ZPBP: variants seen among roughly 807,000 people sequenced by gnomAD.
The protein encoded by ZPBP is zona pellucida-binding protein 1.
Under a neutral mutation model 44.8 loss-of-function variants are expected in ZPBP, and 26 were observed. The ratio of observed to expected loss-of-function variants is 0.58; its 90% CI spans 0.43 to 0.81. The LOEUF is 0.81. Among genes scored for constraint, ZPBP ranks in the 30% least tolerant of loss-of-function variants. ZPBP has a pLI of 0.00. For missense variants in ZPBP, 409 were observed against 434.0 expected (o/e 0.94, Z 0.51); for synonymous variants, 174 against 153.2 (o/e 1.14, Z -1.00).
At chr7:49,887,885 G>A (rs182447239) in intron 2 of ZPBP, among the ~76,000 whole-genome samples, 2 of 152,264 alleles carry the variant, frequency 1.3e-5, no homozygotes. Context: ...CTAGCTGCTG[G>A]TTTCTTCCTT....
At chr7:49,917,570 C>G (rs1374258980) in intron 1 of ZPBP, 1 of 152,036 alleles carries the variant, frequency 6.6e-6, no homozygotes, top group East Asian at 1.9e-4. Flanking sequence ...AAAGTATGTA[C>G]CTAAAGTCAA....
At chr7:49,970,601 C>T (rs1296509114) in intron 7 of ZPBP, among the ~76,000 whole-genome samples, 1 of 144,176 alleles carries the variant, frequency 6.9e-6, no homozygotes, top group Admixed American at 7.3e-5. Context: ...TGAAATCATA[C>T]AAAGTGTATT....
At chr7:49,845,052 T>C in the ZPBP span, among the ~76,000 whole-genome samples, 57 of 152,122 alleles carry the variant, frequency 3.7e-4, 2 homozygotes. Flanking sequence ...TTTCCGAATG[T>C]TCTCACTTAT....
chr7:50,091,850 C>T (rs899038478), intron 1 of ZPBP, among the ~76,000 whole-genome samples: 11 of 152,088 alleles, frequency 7.2e-5, no homozygotes, highest in African/African-American at 2.4e-4. Context: ...TAGCAAAGTG[C>T]AAAGAAAAGG....
chr7:49,927,586 G>A (rs1186598097), intron 1 of ZPBP, among the ~76,000 whole-genome samples: 1 of 152,094 alleles, frequency 6.6e-6, no homozygotes, highest in Non-Finnish European at 1.5e-5. Context: ...TAGAACCAAA[G>A]AGGGTGATTT....
At chr7:49,859,788 GTGCACA>G (rs201846228) in intron 2 of ZPBP, among the ~76,000 whole-genome samples, 28,441 of 148,342 alleles carry the variant, frequency 0.19, 3,229 homozygotes, top group East Asian at 0.51. Context: ...GTGCGCGTGC[GTGCACA>G]CACACACACA....
chr7:50,081,775 T>C lies in ZPBP; in HGVS notation c.333A>G (p.Ser111=). The C allele has an allele frequency of 1.9e-6, 3 of 1,610,882 alleles. No individual in the cohort carries two copies. Among genetic ancestry groups the C allele is most frequent in the Non-Finnish European group, 2.5e-6 (3 of 1,177,872 alleles). The change falls in exon 3 of 8, where the codon TCA becomes TCG. Residue 111 remains serine (S), a splice_region_variant and synonymous_variant. Transcript: ENST00000046087. ...QWYGPKGKVV[S]VENRTAQITS... Reference sequence around the variant, plus strand: ...ACAATAATTGAAACAAAATCCTACCTGAAACAACTTTTCCTTTAGGCCCAT... The same window carrying C: ...ACAATAATTGAAACAAAATCCTACCCGAAACAACTTTTCCTTTAGGCCCAT...
chr7:49,945,299 G>A (rs1601037), intron 7 of ZPBP, among the ~76,000 whole-genome samples: 112,951 of 151,844 alleles, frequency 0.74, 42,173 homozygotes, highest in East Asian at 0.89. Flanking sequence ...ATGAGCTGAG[G>A]AGAAGAATGT....
intron 6 of ZPBP, among the ~76,000 whole-genome samples, chr7:50,006,562 C>T (rs1798321140): frequency 1.3e-5 from 2 of 151,918 alleles, no homozygotes; most frequent in South Asian, 4.1e-4. Flanking sequence ...TCAGTTAAAG[C>T]AGTGTTTAGA....
At chr7:49,981,622 T>TAAATTATATATTA (rs1562820285) in intron 7 of ZPBP, among the ~76,000 whole-genome samples, 2 of 9,530 alleles carry the variant, frequency 2.1e-4, no homozygotes, top group Non-Finnish European at 3.6e-4. Context: ...TTATATTATA[T>TAAATTATATATTA]TATATTATAT....
intron 2 of ZPBP, among the ~76,000 whole-genome samples, chr7:49,866,118 C>T (rs1318357469): frequency 6.6e-6 from 1 of 152,122 alleles, no homozygotes; most frequent in Non-Finnish European, 1.5e-5. Flanking sequence ...GTCCTGGCTC[C>T]TTCATATCGC....
Position 50,031,191 on chromosome 7 carries a change from G to A in ZPBP, c.607C>T (p.Leu203Phe). ...KLLQILSKLL[L>F]DLSCEISLLK... ...AAGGAAATTTCACATGAAAGGTCAA[G>A]AAGCAGTTTGCTTAAAATCTGAAGA... is the stretch of plus-strand genomic sequence containing the variant. Residue 203 changes from leucine to phenylalanine, a missense_variant, in exon 5 of 8, where the codon CTT becomes TTT. Transcript: ENST00000046087. 6.2e-7 allele frequency: 1 copy of A among 1,613,576 alleles called. No homozygotes were observed. Among genetic ancestry groups the A allele is most frequent in the East Asian group, 2.2e-5 (1 of 44,810 alleles).
intron 4 of ZPBP, among the ~76,000 whole-genome samples, chr7:50,049,740 C>T (rs964201671): frequency 2.0e-5 from 3 of 151,722 alleles, no homozygotes; most frequent in African/African-American, 7.3e-5. Flanking sequence ...AGATTATTTC[C>T]CCCTAATATT....
chr7:50,028,181 A>C (rs1316440814), intron 5 of ZPBP, among the ~76,000 whole-genome samples: 2 of 152,044 alleles, frequency 1.3e-5, no homozygotes, highest in African/African-American at 2.4e-5. Flanking sequence ...ATGGTAAAGA[A>C]TACACCATGA....
chr7:49,841,592 G>A, the ZPBP span, among the ~76,000 whole-genome samples: 1 of 152,184 alleles, frequency 6.6e-6, no homozygotes, highest in Non-Finnish European at 1.5e-5. Flanking sequence ...AAATGCTTTG[G>A]ACGTGGAGCT....
intron 4 of ZPBP, among the ~76,000 whole-genome samples, chr7:50,039,858 A>G (rs1799986659): frequency 1.1e-5 from 1 of 88,712 alleles, no homozygotes; most frequent in Non-Finnish European, 3.5e-5. Flanking sequence ...CATAAAATAC[A>G]GACAAACAGA....
chr7:49,981,557 T>C (rs1177831783), intron 7 of ZPBP, among the ~76,000 whole-genome samples: 3 of 72,806 alleles, frequency 4.1e-5, no homozygotes, highest in South Asian at 7.9e-4. Context: ...TTATATAAAT[T>C]ATATATTATA....
chr7:49,922,442 G>C (rs896369461), intron 1 of ZPBP, among the ~76,000 whole-genome samples: 17 of 152,164 alleles, frequency 1.1e-4, no homozygotes, highest in Non-Finnish European at 2.4e-4. Context: ...TCCGGAACTG[G>C]AAGATTAGGC....
At chr7:49,931,074 G>T (rs1794428483) in intron 1 of ZPBP, among the ~76,000 whole-genome samples, 1 of 152,200 alleles carries the variant, frequency 6.6e-6, no homozygotes, top group Admixed American at 6.5e-5. Context: ...TGTAAGATGT[G>T]ACTTTGCTCC....
Sources: gnomAD v4.1 joint callset for allele counts (sites outside exome capture counted in the v4.1 genomes callset) on GRCh38, gnomAD v4.1.1 for gene constraint, MANE v1.5 for transcripts, NCBI Gene and HGNC (gene_info 2026-07-23, HGNC 2026-07-21) for gene names.